The following IGLL5 variants were observed in gnomAD, a reference collection of about 807,000 sequenced individuals.
The protein encoded by IGLL5 is immunoglobulin lambda like polypeptide 5, also known as immunoglobulin lambda-like polypeptide 5.
IGLL5 carries 30 observed loss-of-function variants against 20.9 expected under a neutral mutation model. The observed-to-expected ratio is 1.44, with a 90% CI of 1.07 to 1.95. The LOEUF (loss-of-function observed/expected upper bound fraction) is 1.95. Ranked by LOEUF, IGLL5 falls within the 30% of genes most tolerant of loss-of-function variation. The pLI is 0.00. For synonymous variants in IGLL5, 203 were observed against 117.3 expected, an observed-to-expected ratio of 1.73 and a Z score of -4.72; for missense variants, 475 against 270.7, an observed-to-expected ratio of 1.75 and a Z score of -5.30.
At chr22:22,888,726 G>A (rs533052890) in intron 1 of IGLL5, among the ~76,000 whole-genome samples, 6 of 151,402 alleles carry the variant, frequency 4.0e-5, no homozygotes, top group South Asian at 2.1e-4. Flanking sequence ...CTCCCCCAAG[G>A]CTGTCTGTTC....
In IGLL5 at chr22:22,891,072, C is replaced by T. The variant is rs544015554; in HGVS notation, c.207-2628C>T. ...CGGGTCTTTTGTTTATGGGGTCTCC[C>T]ACCATAAAACTGTGGTAAATTTTTA... On this transcript the variant is annotated intron_variant, in intron 1 of 2. Transcript: ENST00000526893. 9.8e-4 allele frequency among the ~76,000 whole-genome samples: 148 copies of T among 151,112 alleles called. 1 individual carries two copies. Among genetic ancestry groups the T allele is most frequent in the African/African-American group, 3.4e-3 (141 of 41,208 alleles).
intron 1 of IGLL5, among the ~76,000 whole-genome samples, chr22:22,888,772 TC>T: frequency 6.6e-6 from 1 of 151,360 alleles, no homozygotes; most frequent in East Asian, 2.0e-4. Context: ...GGGGCCAGGC[TC>T]AAGGACACAG....
rs757008560 is a variant in IGLL5, at chr22:22,896,071, A to C, written c.*377A>C. On this transcript the variant is annotated 3_prime_UTR_variant, in exon 3 of 3. Coordinates refer to ENST00000526893, the MANE Select transcript of IGLL5 (RefSeq NM_001178126.2). ...GTTCAGACCAGTCCCACACCCTCCT[A>C]AATTTTACTTCTCAATAAATACCTG... 6 of 393,428 alleles carry C rather than the reference A, an allele frequency of 1.5e-5. No homozygotes were observed. Among genetic ancestry groups the C allele is most frequent in the South Asian group, 2.6e-5 (1 of 38,174 alleles). The allele number at this position is 393,428 out of a possible 1,614,324, so 24.4% of individuals were successfully genotyped here. A position where few individuals can be genotyped will look rare whatever the true frequency, so the allele number is the denominator to read the frequency against.
intron 1 of IGLL5, among the ~76,000 whole-genome samples, chr22:22,888,958 G>C (rs1380908303): frequency 4.0e-5 from 6 of 151,342 alleles, no homozygotes; most frequent in Middle Eastern, 3.7e-3. Context: ...CAGCGTCAGA[G>C]GAGAGGAGAG....
chr22:22,889,674 A>C (rs1601609490), intron 1 of IGLL5, among the ~76,000 whole-genome samples: 1 of 151,340 alleles, frequency 6.6e-6, no homozygotes, highest in East Asian at 2.0e-4. Flanking sequence ...TGCAGCCTCA[A>C]CCTCCAGGGC....
rs979485574 is a variant in IGLL5, at chr22:22,894,238, C to T, written c.325+420C>T. 4.6e-5 allele frequency among the ~76,000 whole-genome samples: 7 copies of T among 151,038 alleles called. No homozygotes were observed. In the East Asian group the frequency reaches 6.1e-4, roughly 13 times the overall value. On this transcript the variant is annotated intron_variant, in intron 2 of 2. Coordinates refer to ENST00000526893, the MANE Select transcript of IGLL5 (RefSeq NM_001178126.2). ...TAGTCTAGGGGAGCAGCCCCAAGAA[C>T]AGCTGAGGGTCTAGGCTGAGGACTG...
chr22:22,888,517 G>A (rs573266114), intron 1 of IGLL5, among the ~76,000 whole-genome samples: 2 of 151,408 alleles, frequency 1.3e-5, no homozygotes, highest in South Asian at 2.1e-4. Context: ...ACCAGGGTCA[G>A]TGCCTCAATC....
chr22:22,894,013 C>G (rs1005569729), intron 2 of IGLL5, among the ~76,000 whole-genome samples, 195 bp downstream of exon 2: 1 of 151,564 alleles, frequency 6.6e-6, no homozygotes, highest in African/African-American at 2.4e-5. Context: ...TGGGAGCAGC[C>G]GGATGCAGCC....
chr22:22,894,592 A>T (rs1601627437), intron 2 of IGLL5, among the ~76,000 whole-genome samples: 2 of 151,320 alleles, frequency 1.3e-5, no homozygotes, highest in Middle Eastern at 3.8e-3. Flanking sequence ...AGACTCAGGA[A>T]ATGACCAGAG....
chr22:22,888,439 GT>G, intron 1 of IGLL5, among the ~76,000 whole-genome samples, 180 bp downstream of exon 1: 3 of 151,382 alleles, frequency 2.0e-5, no homozygotes, highest in South Asian at 2.1e-4. Flanking sequence ...TTGAATTACT[GT>G]TTTTAATATC....
chr22:22,888,856 A>C (rs182926887), intron 1 of IGLL5, among the ~76,000 whole-genome samples: 2 of 151,384 alleles, frequency 1.3e-5, no homozygotes, highest in Admixed American at 6.6e-5. Context: ...GGAGCAATAA[A>C]GGGAGAGGGG....
intron 1 of IGLL5, among the ~76,000 whole-genome samples, chr22:22,888,653 T>C (rs12170809): frequency 1.3e-5 from 2 of 151,280 alleles, no homozygotes; most frequent in East Asian, 2.0e-4. Context: ...TCTGCCCATG[T>C]GCCTCCTGCC....
In IGLL5 at chr22:22,895,572, G is replaced by A. The variant is rs201956362; in HGVS notation, c.523G>A (p.Ala175Thr). Residue 175 changes from alanine (A) to threonine (T), a missense_variant, in exon 3 of 3, where the codon GCG becomes ACG. By Grantham distance (58) the Ala-to-Thr change is moderately conservative. Transcript: ENST00000526893. ...KPSKQSNNKY[A>T]ASSYLSLTPE... Reference sequence around the variant, plus strand: ...CTCCAAACAGAGCAACAACAAGTACGCGGCCAGCAGCTACCTGAGCCTGAC... The same window carrying A: ...CTCCAAACAGAGCAACAACAAGTACACGGCCAGCAGCTACCTGAGCCTGAC... 4,408 of 1,613,176 alleles carry A rather than the reference G, an allele frequency of 2.7e-3. 14 individuals are homozygous for A. The highest frequency in any genetic ancestry group is 3.2e-3 in the Non-Finnish European group (3,799 of 1,179,770).
intron 1 of IGLL5, among the ~76,000 whole-genome samples, chr22:22,888,802 A>C (rs557885183): frequency 2.0e-5 from 3 of 151,360 alleles, no homozygotes; most frequent in South Asian, 2.1e-4. Context: ...GGATGAACCG[A>C]GGGGAGCTGT....
At chr22:22,894,173 CAGAGGCTGCTGGGG>C in intron 2 of IGLL5, among the ~76,000 whole-genome samples, 1 of 151,478 alleles carries the variant, frequency 6.6e-6, no homozygotes, top group East Asian at 2.0e-4. Flanking sequence ...GGGTCAAGGA[CAGAGGCTGCTGGGG>C]TGGGCCTGGG....
rs376897025 is a variant in IGLL5, at chr22:22,895,586, C to T, written c.537C>T (p.Tyr179=). Residue 179 remains tyrosine, a synonymous_variant, in exon 3 of 3, where the codon TAC becomes TAT. Transcript: ENST00000526893. ...ACAACAAGTACGCGGCCAGCAGCTA[C>T]CTGAGCCTGACGCCCGAGCAGTGGA... is the stretch of plus-strand genomic sequence containing the variant. ...QSNNKYAASS[Y]LSLTPEQWKS... is the part of the protein sequence containing the mutation. 62 of 1,613,130 alleles carry T rather than the reference C, an allele frequency of 3.8e-5. No individual in the cohort carries two copies. The highest frequency in any genetic ancestry group is 1.8e-4 in the East Asian group (8 of 44,692).
intron 2 of IGLL5, among the ~76,000 whole-genome samples, chr22:22,894,146 T>C (rs749266611): frequency 4.6e-5 from 7 of 151,364 alleles, no homozygotes; most frequent in East Asian, 2.0e-4. Context: ...CTTAGGGACA[T>C]TGCCCAGTGA....
intron 2 of IGLL5, 51 bp downstream of exon 2, chr22:22,893,869 G>T (rs555210623): frequency 8.6e-6 from 11 of 1,277,498 alleles, no homozygotes; most frequent in African/African-American, 7.3e-5. Flanking sequence ...GCTGTCCCTG[G>T]AAAATCTGTT....
At chr22:22,894,392 A>G (rs1473630112) in intron 2 of IGLL5, among the ~76,000 whole-genome samples, 4 of 151,464 alleles carry the variant, frequency 2.6e-5, no homozygotes, top group South Asian at 2.1e-4. Context: ...CTGGGTCATG[A>G]GGACATGGGG....
Sources: gnomAD v4.1 joint callset for allele counts (sites outside exome capture counted in the v4.1 genomes callset) on GRCh38, gnomAD v4.1.1 for gene constraint, MANE v1.5 for transcripts, NCBI Gene and HGNC (gene_info 2026-07-23, HGNC 2026-07-21) for gene names.